The following ATAD3B variants were observed in gnomAD, a reference collection of about 807,000 sequenced individuals.
ATAD3B encodes ATPase family AAA domain-containing protein 3B.
In ATAD3B, 59 loss-of-function variants were observed where a neutral mutation model predicts 70.2. The ratio of observed to expected loss-of-function variants is 0.84; its 90% CI spans 0.68 to 1.04. The LOEUF is 1.04. Ranked by LOEUF, ATAD3B falls within the 50% of genes least tolerant of loss-of-function variation. ATAD3B has a pLI of 0.00. For missense variants in ATAD3B, 961 were observed against 913.4 expected, an observed-to-expected ratio of 1.05 and a Z score of -0.67; for synonymous variants, 423 against 388.6, an observed-to-expected ratio of 1.09 and a Z score of -1.04.
intron 1 of ATAD3B, among the ~76,000 whole-genome samples, chr1:1,473,790 T>C (rs1639454104): frequency 6.6e-6 from 1 of 152,000 alleles, no homozygotes; most frequent in Admixed American, 6.6e-5. Context: ...CACCGCACCC[T>C]GCCAGCAGGG....
At chr1:1,486,081 C>T (rs749709264) in intron 9 of ATAD3B, 29 bp from the exon 10 acceptor site, 3 of 1,612,684 alleles carry the variant, frequency 1.9e-6, no homozygotes, top group Non-Finnish European at 2.5e-6. Flanking sequence ...TGCAGAGTGT[C>T]TCCCCCAAAC....
intron 1 of ATAD3B, among the ~76,000 whole-genome samples, chr1:1,473,822 C>A (rs2100514484): frequency 6.6e-6 from 1 of 152,138 alleles, no homozygotes; most frequent in East Asian, 1.9e-4. Context: ...GAAAGAAGAT[C>A]ATTTAGGGAA....
chr1:1,500,422 G>A (rs1197341515), downstream of ATAD3B, among the ~76,000 whole-genome samples: 7 of 148,066 alleles, frequency 4.7e-5, no homozygotes, highest in East Asian at 1.5e-3. Flanking sequence ...CGTGGTGGCG[G>A]GCACCTGTAG....
downstream of ATAD3B, among the ~76,000 whole-genome samples, chr1:1,499,419 T>G (rs982705704): frequency 1.3e-5 from 2 of 150,392 alleles, no homozygotes; most frequent in Non-Finnish European, 1.5e-5. Context: ...GTATTTTTAG[T>G]AGAGAGGGGG....
chr1:1,491,557 G>A (rs1640541264), intron 15 of ATAD3B, among the ~76,000 whole-genome samples: 1 of 151,848 alleles, frequency 6.6e-6, no homozygotes, highest in Non-Finnish European at 1.5e-5. Context: ...TGGTCTTTGG[G>A]GGTTGCTGAA....
rs533951226 is a variant in ATAD3B, at chr1:1,472,258, C to T, written c.205+169C>T. Among the ~76,000 whole-genome samples, 455 of 152,130 alleles carry T rather than the reference C, an allele frequency of 3.0e-3. 8 individuals carry two copies. Among genetic ancestry groups the T allele is most frequent in the Non-Finnish European group, 5.2e-3 (353 of 67,994 alleles). ...CGTCTCGCGTGCCGGGAGGATCGGA[C>T]TCTTTCCGTCACCCGTTTGCACCTC... is the stretch of plus-strand genomic sequence containing the variant. On this transcript the variant is annotated intron_variant, in intron 1 of 15. Coordinates refer to ENST00000673477, the MANE Select transcript of ATAD3B (RefSeq NM_031921.6).
chr1:1,478,656 G>A lies in ATAD3B; in HGVS notation c.295G>A (p.Ala99Thr), dbSNP rs1191874949. The change falls in exon 3 of 16, where the codon GCC (alanine) becomes ACC (threonine). Residue 99 changes from alanine (A) to threonine (T), a missense_variant. Around this residue, in one of 4 missense-constraint regions of ATAD3B, gnomAD observed 187 missense variants for 244.3 expected, o/e 0.77. Transcript: ENST00000673477. ...CTGTGCTCTGCAGGAGTATGAGGCC[G>A]CCGTGGAGCAGCTCAAGAGCGAGCA... ...QQSKLKEYEA[A>T]VEQLKSEQIR... 4.5e-5 allele frequency: 69 copies of A among 1,547,032 alleles called. 2 individuals carry two copies. The highest frequency in any genetic ancestry group is 5.3e-5 in the Non-Finnish European group (61 of 1,145,716).
rs746932653 is a variant in ATAD3B, at chr1:1,471,875, C to G, written c.-10C>G. 1 of 1,273,228 alleles carries G rather than the reference C, an allele frequency of 7.9e-7. No homozygotes were observed. The highest frequency in any genetic ancestry group is 3.0e-5 in the East Asian group (1 of 33,152). The allele number at this position is 1,273,228 out of a possible 1,614,324, so 78.9% of individuals were successfully genotyped here. ...GTCCCGGCGGCGGTAGCGGCGGCGG[C>G]GGTGCGAGCATGTCGTGGCTCTTCG... On this transcript the variant is annotated 5_prime_UTR_variant, in exon 1 of 16. Coordinates refer to ENST00000673477, the MANE Select transcript of ATAD3B (RefSeq NM_031921.6).
chr1:1,499,980 C>T (rs1173814713), downstream of ATAD3B, among the ~76,000 whole-genome samples: 1 of 150,974 alleles, frequency 6.6e-6, no homozygotes, highest in Non-Finnish European at 1.5e-5. Context: ...TCACTGCAAC[C>T]TCCGCCTCCC....
downstream of ATAD3B, among the ~76,000 whole-genome samples, chr1:1,501,403 T>C (rs6691246): frequency 0.34 from 51,190 of 151,876 alleles, 14,010 homozygotes; most frequent in African/African-American, 0.73. Flanking sequence ...TACAGGCGCC[T>C]GCCACCACGC....
chr1:1,477,677 TTTTTA>T (rs199892482), intron 2 of ATAD3B, among the ~76,000 whole-genome samples: 20,644 of 147,860 alleles, frequency 0.14, 3,511 homozygotes, highest in East Asian at 0.44. Context: ...TCAGCAGGAT[TTTTTA>T]TTTTATTTTA....
In ATAD3B at chr1:1,485,063, T is replaced by C. The variant is rs551455051; in HGVS notation, c.798T>C (p.Asn266=). The C allele has an allele frequency of 6.3e-5, 102 of 1,607,052 alleles. No individual in the cohort carries two copies. The East Asian group carries it at 1.4e-3, about 22-fold the overall frequency. The change falls in exon 8 of 16, where the codon AAT becomes AAC. Residue 266 remains asparagine (N), a synonymous_variant. Coordinates refer to ENST00000673477, the MANE Select transcript of ATAD3B (RefSeq NM_031921.6). ...CTGTCGGGGTCTACTCAGCCAAGAATGCGACAGCCGTCACTGGCCGCTTCA... is the reference window on the plus strand; with the variant it reads ...CTGTCGGGGTCTACTCAGCCAAGAACGCGACAGCCGTCACTGGCCGCTTCA... ...LLAVGVYSAK[N]ATAVTGRFIE... is the part of the protein sequence containing the mutation.
rs541110832 is a variant in ATAD3B, at chr1:1,484,948, G to A, written c.751-68G>A. 105 of 1,531,646 alleles carry A rather than the reference G, an allele frequency of 6.9e-5. No homozygotes were observed. The East Asian group carries it at 2.2e-3, about 32-fold the overall frequency. The allele number at this position is 1,531,646 out of a possible 1,614,324, so 94.9% of individuals were successfully genotyped here. On this transcript the variant is annotated intron_variant, in intron 7 of 15. Transcript: ENST00000673477. ...GCGGAGAGAGGGTGGGGGCAGCCCC[G>A]TGCGTCTCCTGCTCTAGGAGGGAGG...
rs367982858 is a variant in ATAD3B at position 1,489,266 on chromosome 1, C to T, written c.1329C>T (p.His443=). Reference sequence around the variant, plus strand: ...CCTTCCTGTACCACATGGGCCAACACAGCAACAAGTGAGGGAGCCCCTCGG... The same window carrying T: ...CCTTCCTGTACCACATGGGCCAACATAGCAACAAGTGAGGGAGCCCCTCGG... ...LNAFLYHMGQ[H]SNKFMLVLAS... Residue 443 remains histidine (H), a synonymous_variant, in exon 13 of 16, where the codon CAC becomes CAT. Transcript: ENST00000673477. 4.3e-6 allele frequency: 7 copies of T among 1,613,580 alleles called. No individual in the cohort carries two copies. Among genetic ancestry groups the T allele is most frequent in the Non-Finnish European group, 5.9e-6 (7 of 1,179,656 alleles).
At chr1:1,487,679 T>TGGTCA (rs1469783772) in intron 11 of ATAD3B, among the ~76,000 whole-genome samples, 184 bp from the exon 12 acceptor site, 1 of 151,820 alleles carries the variant, frequency 6.6e-6, no homozygotes, top group African/African-American at 2.4e-5. Context: ...GGCTGAGACG[T>TGGTCA]GGTCAGCTGC....
At position 1,482,445 on chromosome 1, in the gene ATAD3B, A is replaced by G. The variant is rs1419633402; in HGVS notation, c.681-100A>G. 6.9e-6 allele frequency: 11 copies of G among 1,603,562 alleles called. 1 individual carries two copies. In the Admixed American group the frequency reaches 1.8e-4, roughly 27 times the overall value. ...GGGGGCACTGCCCCTCTGTCCTGGC[A>G]AGGCCGTGCCGCCATGTCAGGGCCT... On this transcript the variant is annotated intron_variant, in intron 6 of 15. Coordinates refer to ENST00000673477, the MANE Select transcript of ATAD3B (RefSeq NM_031921.6).
At chr1:1,479,898 CCACACACACGGGCGCG>C (rs1639813959) in intron 4 of ATAD3B, among the ~76,000 whole-genome samples, 1 of 141,558 alleles carries the variant, frequency 7.1e-6, no homozygotes, top group Non-Finnish European at 1.5e-5. Context: ...ATGCACACGC[CCACACACACGGGCGCG>C]CACACACCCG....
downstream of ATAD3B, among the ~76,000 whole-genome samples, chr1:1,500,706 C>A (rs1640924435): frequency 6.6e-6 from 1 of 151,636 alleles, no homozygotes; most frequent in Admixed American, 6.6e-5. Flanking sequence ...GTAATCCCAG[C>A]ACTTTGGGAG....
chr1:1,494,719 C>T (rs1188070569), intron 15 of ATAD3B, among the ~76,000 whole-genome samples: 1 of 151,996 alleles, frequency 6.6e-6, no homozygotes, highest in Non-Finnish European at 1.5e-5. Context: ...CTGGGAGGTA[C>T]AGCTGGGACG....
Sources: gnomAD v4.1 joint callset for allele counts (sites outside exome capture counted in the v4.1 genomes callset) on GRCh38, gnomAD v4.1.1 for gene constraint, gnomAD v4.1.1 regional missense constraint, MANE v1.5 for transcripts, NCBI Gene and HGNC (gene_info 2026-07-23, HGNC 2026-07-21) for gene names.